Variants in PDPN observed in about 807,000 individuals in gnomAD.
PDPN encodes podoplanin.
In PDPN, 12 loss-of-function variants were observed where a neutral mutation model predicts 23.2. The observed-to-expected ratio is 0.52, with a 90% confidence interval of 0.33 to 0.84. The LOEUF is 0.84. PDPN is among the 40% of genes least tolerant of loss of function. PDPN has a pLI of 0.02. For synonymous variants in PDPN, 77 were observed against 76.7 expected, an observed-to-expected ratio of 1.00 and a Z score of -0.02; for missense variants, 199 against 212.2, an observed-to-expected ratio of 0.94 and a Z score of 0.39.
At chr1:13,589,168 TCA>T (rs969735863) in intron 1 of PDPN, among the ~76,000 whole-genome samples, 2 of 152,186 alleles carry the variant, frequency 1.3e-5, no homozygotes, top group Non-Finnish European at 2.9e-5. Context: ...CTTTGTTTTG[TCA>T]CAGTCTGGAA....
intron 1 of PDPN, among the ~76,000 whole-genome samples, chr1:13,602,826 C>T (rs909398192): frequency 6.6e-6 from 1 of 152,166 alleles, no homozygotes; most frequent in Non-Finnish European, 1.5e-5. Flanking sequence ...TCTCAGCCTC[C>T]GAAAGTGCTG....
chr1:13,612,600 A>G (rs1640962675), intron 3 of PDPN, among the ~76,000 whole-genome samples: 1 of 152,172 alleles, frequency 6.6e-6, no homozygotes, highest in South Asian at 2.1e-4. Flanking sequence ...GTGGGGTAGC[A>G]CAGTCAGCAT....
intron 2 of PDPN, 76 bp from the exon 3 acceptor site, chr1:13,610,311 C>T: frequency 7.7e-7 from 1 of 1,304,142 alleles, no homozygotes; most frequent in Non-Finnish European, 1.1e-6. Context: ...ACCTTAAATC[C>T]TTTTATAAGG....
chr1:13,598,085 G>A (rs560958248), intron 1 of PDPN, among the ~76,000 whole-genome samples: 5 of 151,718 alleles, frequency 3.3e-5, no homozygotes, highest in African/African-American at 7.2e-5. Flanking sequence ...GCACTATCTC[G>A]GCTCACTGCA....
In PDPN at chr1:13,594,952, G is replaced by T. The variant is rs143154928; in HGVS notation, c.67+10852G>T. On this transcript the variant is annotated intron_variant, in intron 1 of 5. Transcript: ENST00000621990. The stretch of plus-strand genomic sequence containing the variant: ...AGAGCTTGCAGTGAGCTGAGATTGC[G>T]CCACTGCACTCCAGCCTGGGCGACA... 4.7e-5 allele frequency among the ~76,000 whole-genome samples: 7 copies of T among 148,522 alleles called. 1 individual carries two copies. In the Admixed American group the frequency reaches 4.8e-4, roughly 10 times the overall value.
chr1:13,610,546 T>C, intron 3 of PDPN, 30 bp downstream of exon 3: 1 of 1,604,332 alleles, frequency 6.2e-7, no homozygotes, highest in Non-Finnish European at 8.5e-7. Context: ...CCATGGGGGC[T>C]GATCTACTTT....
intron 1 of PDPN, 98 bp downstream of exon 1, chr1:13,584,198 G>C (rs767522505): frequency 6.6e-7 from 1 of 1,520,290 alleles, no homozygotes; most frequent in African/African-American, 1.4e-5. Context: ...GGTTGTCCAG[G>C]GGAGCGCGGG....
At chr1:13,595,593 T>G (rs12085117) in intron 1 of PDPN, among the ~76,000 whole-genome samples, 4,787 of 152,260 alleles carry the variant, frequency 0.031, 259 homozygotes, top group African/African-American at 0.11. Flanking sequence ...ACGTGTCTGA[T>G]CTCCTCAGCT....
At chr1:13,585,931 G>A (rs965601652) in intron 1 of PDPN, among the ~76,000 whole-genome samples, 16 of 152,096 alleles carry the variant, frequency 1.1e-4, no homozygotes, top group Admixed American at 8.5e-4. Context: ...AAGATCCTAC[G>A]CCCTACTGGG....
chr1:13,589,479 C>A (rs992806909), intron 1 of PDPN, among the ~76,000 whole-genome samples: 2 of 152,332 alleles, frequency 1.3e-5, no homozygotes, highest in Non-Finnish European at 2.9e-5. Context: ...AATATAATAA[C>A]AGCTAGCGTT....
chr1:13,601,274 G>C (rs903341921), intron 1 of PDPN, among the ~76,000 whole-genome samples: 5 of 152,226 alleles, frequency 3.3e-5, no homozygotes, highest in African/African-American at 1.2e-4. Flanking sequence ...TGCAGACAGA[G>C]GGCCCATGTG....
intron 1 of PDPN, among the ~76,000 whole-genome samples, chr1:13,597,479 T>G (rs1640526566): frequency 6.6e-6 from 1 of 152,170 alleles, no homozygotes; most frequent in Non-Finnish European, 1.5e-5. Flanking sequence ...AGAAACGGCT[T>G]CTCCAGCGTT....
intron 1 of PDPN, among the ~76,000 whole-genome samples, chr1:13,588,519 T>G (rs1640241317): frequency 6.6e-6 from 1 of 150,776 alleles, no homozygotes; most frequent in African/African-American, 2.4e-5. Flanking sequence ...AATTTGTTGA[T>G]GTTTAAACCT....
intron 2 of PDPN, among the ~76,000 whole-genome samples, chr1:13,607,840 C>G (rs1359437841): frequency 6.6e-6 from 1 of 152,170 alleles, no homozygotes; most frequent in African/African-American, 2.4e-5. Flanking sequence ...CGTGGTGGCT[C>G]ACACCTGTAA....
At chr1:13,596,098 C>A in intron 1 of PDPN, 1 of 321,132 alleles carries the variant, frequency 3.1e-6, no homozygotes, top group African/African-American at 2.2e-5. Flanking sequence ...ACTTGAGAGG[C>A]TGAGATGGGA....
rs1268290759 is a variant in PDPN, at chr1:13,583,968, T to G, written c.-66T>G. The G allele has an allele frequency of 1.2e-6, 2 of 1,613,614 alleles. No homozygotes were observed. The highest frequency in any genetic ancestry group is 1.7e-6 in the Non-Finnish European group (2 of 1,180,006). ...GCTGGGCCTGTGGCCGCGGTGCTTT[T>G]TAATTTTCCCCCAGCTCAGAATCTT... On this transcript the variant is annotated 5_prime_UTR_variant, in exon 1 of 6. Transcript: ENST00000621990.
intron 1 of PDPN, among the ~76,000 whole-genome samples, chr1:13,596,615 A>G (rs537096150): frequency 5.3e-5 from 8 of 152,312 alleles, no homozygotes; most frequent in African/African-American, 1.4e-4. Flanking sequence ...TTGGGACTTC[A>G]GAGGTTAGTG....
intron 1 of PDPN, among the ~76,000 whole-genome samples, chr1:13,588,980 A>AGCTACTATTCAATAAATTAAATAGT (rs70984264): frequency 7.9e-6 from 1 of 126,912 alleles, no homozygotes; most frequent in Non-Finnish European, 1.8e-5. Flanking sequence ...TTCATTGAAT[A>AGCTACTATTCAATAAATTAAATAGT]GCTACTATTC....
At chr1:13,611,091 G>T (rs1640923090) in intron 3 of PDPN, among the ~76,000 whole-genome samples, 1 of 151,944 alleles carries the variant, frequency 6.6e-6, no homozygotes, top group Non-Finnish European at 1.5e-5. Context: ...AGTGGTGGCG[G>T]GCGCCTGTAG....
Sources: gnomAD v4.1 joint callset for allele counts (sites outside exome capture counted in the v4.1 genomes callset) on GRCh38, gnomAD v4.1.1 for gene constraint, MANE v1.5 for transcripts, NCBI Gene and HGNC (gene_info 2026-07-23, HGNC 2026-07-21) for gene names.